ACSL5: variants seen among roughly 807,000 people sequenced by gnomAD.
ACSL5 encodes the protein long-chain-fatty-acid--CoA ligase 5.
A neutral mutation model predicts 84.9 loss-of-function variants in ACSL5; 50 were observed. The ratio of observed to expected loss-of-function variants is 0.59; its 90% CI spans 0.47 to 0.75. The LOEUF is 0.75. ACSL5 is among the 30% of genes least tolerant of loss of function. The probability of loss-of-function intolerance (pLI) is 0.00; values close to 1 mark genes in which losing one functional copy is unlikely to be tolerated. For synonymous variants in ACSL5, 280 were observed against 300.7 expected, an observed-to-expected ratio of 0.93 and a Z score of 0.71; for missense variants, 775 against 830.4, an observed-to-expected ratio of 0.93 and a Z score of 0.82.
At chr10:112,420,548 T>C (rs1214940067) in intron 14 of ACSL5, among the ~76,000 whole-genome samples, 3 of 152,320 alleles carry the variant, frequency 2.0e-5, no homozygotes, top group Middle Eastern at 3.4e-3. Flanking sequence ...CCTTGTTTTA[T>C]ATCATAGTGG....
At chr10:112,423,157 C>A (rs1397970833) in intron 17 of ACSL5, among the ~76,000 whole-genome samples, 3 of 111,726 alleles carry the variant, frequency 2.7e-5, no homozygotes, top group African/African-American at 1.0e-4. Context: ...CACTGCACTC[C>A]AGCCTGGGGG....
chr10:112,405,796 T>C (rs1206800965), intron 5 of ACSL5, among the ~76,000 whole-genome samples: 3 of 152,250 alleles, frequency 2.0e-5, no homozygotes, highest in Admixed American at 2.0e-4. Flanking sequence ...GTTATATGTA[T>C]TGTATACTGC....
intron 12 of ACSL5, 132 bp downstream of exon 12, chr10:112,413,439 AT>A: frequency 8.5e-7 from 1 of 1,173,248 alleles, no homozygotes; most frequent in Non-Finnish European, 1.2e-6. Context: ...TGTAAATACA[AT>A]CCCCGCCAGG....
intron 1 of ACSL5, among the ~76,000 whole-genome samples, chr10:112,387,936 C>CT (rs35032191): frequency 0.28 from 33,571 of 118,320 alleles, 5,552 homozygotes; most frequent in Middle Eastern, 0.34. Flanking sequence ...TTATTTGTTC[C>CT]TTTTTTTTTT....
chr10:112,410,712 T>C (rs1844158389), intron 9 of ACSL5, 77 bp downstream of exon 9: 5 of 1,457,248 alleles, frequency 3.4e-6, no homozygotes, highest in Middle Eastern at 2.4e-4. Flanking sequence ...ACTGGTAGGC[T>C]GGTAAATACT....
intron 20 of ACSL5, 84 bp from the exon 21 acceptor site, chr10:112,427,130 CCTCA>C: frequency 1.5e-6 from 2 of 1,376,154 alleles, no homozygotes; most frequent in Non-Finnish European, 2.0e-6. Flanking sequence ...ACTGCATCAA[CCTCA>C]CTTTCTTCAC....
At chr10:112,376,569 A>G (rs1021129998) in intron 1 of ACSL5, 17 of 1,391,734 alleles carry the variant, frequency 1.2e-5, no homozygotes, top group Admixed American at 6.2e-5. Context: ...GGGCCGGCTG[A>G]GTTCCACGGG....
At position 112,422,037 on chromosome 10, in the gene ACSL5, T is replaced by C. The variant is rs1431692086; in HGVS notation, c.1476+2T>C. ...TTTACAGTGAATAATGAAGGAGAGGTGGGTAGGTCATGCCCTGTGGTCAGA... is the reference window on the plus strand; with the variant it reads ...TTTACAGTGAATAATGAAGGAGAGGCGGGTAGGTCATGCCCTGTGGTCAGA... On this transcript the variant is annotated splice_donor_variant, in intron 16 of 20. Transcript: ENST00000354655. LOFTEE classifies it high-confidence loss of function. 6.2e-7 allele frequency: 1 copy of C among 1,613,762 alleles called. No individual in the cohort carries two copies. The highest frequency in any genetic ancestry group is 1.1e-5 in the South Asian group (1 of 91,060).
At chr10:112,420,871 G>T (rs1328308071) in intron 14 of ACSL5, among the ~76,000 whole-genome samples, 1 of 152,042 alleles carries the variant, frequency 6.6e-6, no homozygotes, top group African/African-American at 2.4e-5. Flanking sequence ...ACAGGCATGT[G>T]CCACCAGGCC....
chr10:112,404,642 A>G, intron 4 of ACSL5, 63 bp from the exon 5 acceptor site: 1 of 1,595,960 alleles, frequency 6.3e-7, no homozygotes, highest in South Asian at 1.1e-5. Context: ...AGGATACGAT[A>G]TTGGTCAGTT....
At position 112,398,057 on chromosome 10, in the gene ACSL5, T is replaced by TACAC. The variant is rs1257357225; in HGVS notation, c.157-844_157-843insACAC. On this transcript the variant is annotated intron_variant, in intron 2 of 20. Transcript: ENST00000354655. ...TCCACTTTTCTTTTTTTTTTTTTTT[T>TACAC]TTTTTTTTTTTTTTTTTTTTTTTTT... is the stretch of plus-strand genomic sequence containing the variant. 1.9e-3 allele frequency among the ~76,000 whole-genome samples: 2 copies of TACAC among 1,050 alleles called. 1 individual carries two copies. Among genetic ancestry groups the TACAC allele is most frequent in the African/African-American group, 4.9e-3 (2 of 410 alleles). The allele number at this position is 1,050 out of a possible 152,430, so 0.7% of individuals were successfully genotyped here.
intron 14 of ACSL5, among the ~76,000 whole-genome samples, chr10:112,419,117 TG>T (rs1844396378): frequency 6.8e-6 from 1 of 146,118 alleles, no homozygotes; most frequent in African/African-American, 2.6e-5. Context: ...TGTGTGTGTG[TG>T]TGTGTGTGTG....
intron 13 of ACSL5, 40 bp downstream of exon 13, chr10:112,417,062 TG>T: frequency 6.2e-7 from 1 of 1,600,656 alleles, no homozygotes; most frequent in East Asian, 2.2e-5. Flanking sequence ...GGCAAATACC[TG>T]GGCTGCCTTC....
chr10:112,413,023 G>A lies in ACSL5; in HGVS notation c.949-150G>A, dbSNP rs1589692658. On this transcript the variant is annotated intron_variant, in intron 11 of 20. Coordinates refer to ENST00000354655, the MANE Select transcript of ACSL5 (RefSeq NM_203379.2). ...GGTGCTGTGCAAGAAAAGTGTCTGT[G>A]TGCCTCAGCCCACTTCCCAAATTCC... 3 of 736,112 alleles carry A rather than the reference G, an allele frequency of 4.1e-6. No individual in the cohort carries two copies. The East Asian group carries it at 7.8e-5, about 19-fold the overall frequency. The allele number at this position is 736,112 out of a possible 1,614,324, so 45.6% of individuals were successfully genotyped here.
chr10:112,400,236 G>A (rs1843847652), intron 3 of ACSL5, among the ~76,000 whole-genome samples: 1 of 151,746 alleles, frequency 6.6e-6, no homozygotes, highest in African/African-American at 2.4e-5. Context: ...TTCAGAGACG[G>A]GATCTTGCTC....
intron 3 of ACSL5, among the ~76,000 whole-genome samples, chr10:112,400,826 G>A (rs1284761872): frequency 1.3e-5 from 2 of 152,074 alleles, no homozygotes; most frequent in African/African-American, 2.4e-5. Context: ...CCAAAGTACT[G>A]GGATTACAGG....
chr10:112,399,462 T>C (rs1221216643), intron 3 of ACSL5, among the ~76,000 whole-genome samples: 1 of 152,204 alleles, frequency 6.6e-6, no homozygotes, highest in African/African-American at 2.4e-5. Flanking sequence ...ATTCCTGATG[T>C]CTTACCTTGT....
chr10:112,410,496 G>A lies in ACSL5; in HGVS notation c.744+1G>A, dbSNP rs1216607380. ...CAAAGAGCACTTCAGAAAACCTGTG[G>A]TAAGTTTTCTTCTGCCTGAATTTGA... On this transcript the variant is annotated splice_donor_variant, in intron 8 of 20. Transcript: ENST00000354655. LOFTEE classifies it high-confidence loss of function. 1.9e-6 allele frequency: 3 copies of A among 1,613,980 alleles called. No individual in the cohort carries two copies. Among genetic ancestry groups the A allele is most frequent in the Non-Finnish European group, 2.5e-6 (3 of 1,180,000 alleles).
intron 12 of ACSL5, among the ~76,000 whole-genome samples, chr10:112,413,735 T>A (rs971900603): frequency 6.6e-6 from 1 of 151,814 alleles, no homozygotes; most frequent in Non-Finnish European, 1.5e-5. Context: ...AAAAAATAAA[T>A]AAAAATAAAA....
Sources: allele counts gnomAD v4.1 joint callset (sites outside exome capture counted in the v4.1 genomes callset), GRCh38; gene constraint gnomAD v4.1.1; transcripts MANE v1.5; gene names NCBI Gene and HGNC (gene_info 2026-07-23, HGNC 2026-07-21).